MEIS1: variants seen among roughly 807,000 people sequenced by gnomAD.
MEIS1 encodes Meis homeobox 1, also known as homeobox protein Meis1.
Under a neutral mutation model 50.8 loss-of-function variants are expected in MEIS1, and 5 were observed. The ratio of observed to expected loss-of-function variants is 0.10; its 90% CI spans 0.05 to 0.21. The LOEUF (loss-of-function observed/expected upper bound fraction) is 0.21. Ranked by LOEUF, MEIS1 falls within the 10% of genes least tolerant of loss-of-function variation. The pLI is 1.00. For synonymous variants in MEIS1, 176 were observed against 179.3 expected, an observed-to-expected ratio of 0.98 and a Z score of 0.15; for missense variants, 318 against 517.3, an observed-to-expected ratio of 0.61 and a Z score of 3.74.
At chr2:66,508,374 C>T (rs1322199315) in intron 7 of MEIS1, among the ~76,000 whole-genome samples, 2 of 152,134 alleles carry the variant, frequency 1.3e-5, no homozygotes, top group Non-Finnish European at 2.9e-5. Flanking sequence ...TTCCGATAAT[C>T]GTATCAAAGC....
intron 8 of MEIS1, among the ~76,000 whole-genome samples, chr2:66,521,904 G>A (rs1344270254): frequency 6.6e-6 from 1 of 152,162 alleles, no homozygotes; most frequent in Non-Finnish European, 1.5e-5. Context: ...GCTGTGTTTA[G>A]TTGTTGATAT....
At chr2:66,464,705 T>A (rs1672594167) in intron 7 of MEIS1, among the ~76,000 whole-genome samples, 1 of 152,138 alleles carries the variant, frequency 6.6e-6, no homozygotes. Context: ...TTTACTTATC[T>A]GAATCTCCTA....
chr2:66,522,849 T>C (rs904560663), intron 8 of MEIS1, among the ~76,000 whole-genome samples: 3 of 152,214 alleles, frequency 2.0e-5, no homozygotes, highest in Non-Finnish European at 4.4e-5. Flanking sequence ...AGGAAGTAGC[T>C]GTAATCACCA....
At chr2:66,463,517 G>A (rs1016698925) in intron 6 of MEIS1, among the ~76,000 whole-genome samples, 3 of 152,208 alleles carry the variant, frequency 2.0e-5, no homozygotes, top group Admixed American at 2.0e-4. Flanking sequence ...AGAAGGCTCT[G>A]CATGGGGCTG....
At chr2:66,489,437 G>A (rs1264069000) in intron 7 of MEIS1, among the ~76,000 whole-genome samples, 1 of 152,128 alleles carries the variant, frequency 6.6e-6, no homozygotes, top group Admixed American at 6.5e-5. Context: ...TCTTAATATA[G>A]TAGACTTACA....
chr2:66,544,898 A>G (rs1228895874), intron 8 of MEIS1, among the ~76,000 whole-genome samples: 3 of 152,202 alleles, frequency 2.0e-5, no homozygotes, highest in Non-Finnish European at 4.4e-5. Flanking sequence ...TGAGAGCCAT[A>G]TTACTACCCT....
At chr2:66,444,370 GTGTCATCTTATGGT>G (rs1672076689) in intron 6 of MEIS1, among the ~76,000 whole-genome samples, 1 of 152,184 alleles carries the variant, frequency 6.6e-6, no homozygotes, top group Non-Finnish European at 1.5e-5. Context: ...CTGGTTCTTA[GTGTCATCTTATGGT>G]TTTCTTCTCT....
intron 7 of MEIS1, among the ~76,000 whole-genome samples, chr2:66,479,842 A>G (rs1465127601): frequency 2.6e-5 from 4 of 152,232 alleles, no homozygotes; most frequent in East Asian, 1.9e-4. Context: ...TTGGTGAGAC[A>G]GTAAGGCTCG....
chr2:66,482,950 C>T (rs17568512), intron 7 of MEIS1, among the ~76,000 whole-genome samples: 3,245 of 152,244 alleles, frequency 0.021, 46 homozygotes, highest in Non-Finnish European at 0.032. Flanking sequence ...CAGATTTCTA[C>T]GTGAGATGGT....
chr2:66,483,717 A>T (rs1450523224), intron 7 of MEIS1, among the ~76,000 whole-genome samples: 1 of 152,178 alleles, frequency 6.6e-6, no homozygotes, highest in Non-Finnish European at 1.5e-5. Context: ...TTCCTTCTAT[A>T]CCACACATTA....
chr2:66,511,212 T>C (rs1230143541), intron 7 of MEIS1, among the ~76,000 whole-genome samples: 1 of 152,238 alleles, frequency 6.6e-6, no homozygotes, highest in Non-Finnish European at 1.5e-5. Context: ...TTGTAACTTA[T>C]TTTGAACAGT....
At chr2:66,565,185 C>A (rs1450422416) in intron 9 of MEIS1, among the ~76,000 whole-genome samples, 3 of 152,006 alleles carry the variant, frequency 2.0e-5, no homozygotes, top group Non-Finnish European at 2.9e-5. Flanking sequence ...AGACTCAAAC[C>A]TGAGTTGATT....
chr2:66,481,946 C>G (rs1272466358), intron 7 of MEIS1, among the ~76,000 whole-genome samples: 1 of 149,218 alleles, frequency 6.7e-6, no homozygotes, highest in Non-Finnish European at 1.5e-5. Flanking sequence ...CCTCCGCCTT[C>G]CAGTTTCAAG....
chr2:66,442,993 G>A lies in MEIS1; in HGVS notation c.575G>A (p.Gly192Glu). 3 of 1,605,440 alleles carry A rather than the reference G, an allele frequency of 1.9e-6. No individual in the cohort carries two copies. Among genetic ancestry groups the A allele is most frequent in the Non-Finnish European group, 8.5e-7 (1 of 1,176,846 alleles). Residue 192 changes from glycine (G) to glutamate (E), a missense_variant, in exon 6 of 13, where the codon GGA becomes GAA. This residue lies in a region of MEIS1 where 75 missense variants were observed against 153.7 expected (regional missense o/e 0.49). Transcript: ENST00000272369. ...PIDLVIDDREGGSKSDSEDIT... is the reference protein window; with the variant it reads ...PIDLVIDDREEGSKSDSEDIT... ...GATTTGGTGATAGACGATAGAGAAG[G>A]AGGATCAAAATCAGACAGTGAAGAT...
rs182476760 is a variant in MEIS1, at chr2:66,552,232, G to A, written c.965+4213G>A. 3.1e-3 allele frequency among the ~76,000 whole-genome samples: 467 copies of A among 152,198 alleles called. 1 individual carries two copies. The highest frequency in any genetic ancestry group is 0.011 in the African/African-American group (437 of 41,516). On this transcript the variant is annotated intron_variant, in intron 9 of 12. Coordinates refer to ENST00000272369, the MANE Select transcript of MEIS1 (RefSeq NM_002398.3). ...TCTTGTACTTGTGTCGTACTTACTG[G>A]ATGCCTCAGTTGCCTCCTGCCTCAG...
intron 8 of MEIS1, among the ~76,000 whole-genome samples, chr2:66,535,194 G>A (rs565620937): frequency 4.6e-5 from 7 of 151,966 alleles, no homozygotes; most frequent in Non-Finnish European, 7.4e-5. Flanking sequence ...TCCCAGCCAC[G>A]TAACCCTGTA....
At chr2:66,485,886 A>G (rs1316022075) in intron 7 of MEIS1, among the ~76,000 whole-genome samples, 3 of 152,226 alleles carry the variant, frequency 2.0e-5, no homozygotes, top group African/African-American at 7.2e-5. Context: ...TGTTGGCCAC[A>G]TAAATGTCCT....
intron 9 of MEIS1, among the ~76,000 whole-genome samples, chr2:66,553,760 A>G (rs777493029): frequency 6.6e-6 from 1 of 152,194 alleles, no homozygotes; most frequent in Admixed American, 6.5e-5. Context: ...TCTGTTAAAT[A>G]TACTTTGTTG....
Position 66,569,118 on chromosome 2 carries a change from A to G in MEIS1, c.*10A>G, listed in dbSNP as rs1675423037. ...GTGGCACTACATGTAACCTTCATCT[A>G]GTTAACCAATCGCAAAGCAAGGGGG... is the stretch of plus-strand genomic sequence containing the variant. On this transcript the variant is annotated 3_prime_UTR_variant, in exon 12 of 13. Transcript: ENST00000272369. 1 of 1,612,580 alleles carries G rather than the reference A, an allele frequency of 6.2e-7. No individual in the cohort carries two copies. The highest frequency in any genetic ancestry group is 1.1e-5 in the South Asian group (1 of 90,600).
Sources: gnomAD v4.1 joint callset for allele counts (sites outside exome capture counted in the v4.1 genomes callset) on GRCh38, gnomAD v4.1.1 for gene constraint, gnomAD v4.1.1 regional missense constraint, MANE v1.5 for transcripts, NCBI Gene and HGNC (gene_info 2026-07-23, HGNC 2026-07-21) for gene names.